The following ZEB1 variants were observed in gnomAD, a reference collection of about 807,000 sequenced individuals.
The protein encoded by ZEB1 is zinc finger E-box-binding homeobox 1.
In ZEB1, 21 loss-of-function variants were observed where a neutral mutation model predicts 84.9. The observed-to-expected ratio is 0.25, with a 90% CI of 0.18 to 0.36. The LOEUF (loss-of-function observed/expected upper bound fraction) is 0.36. ZEB1 is among the 10% of genes least tolerant of loss of function. The pLI is 1.00. For synonymous variants in ZEB1, 420 were observed against 471.1 expected (o/e 0.89, Z 1.41); for missense variants, 1,104 against 1,330.2 (o/e 0.83, Z 2.65).
chr10:31,427,635 CG>C (rs1564819590), intron 1 of ZEB1, among the ~76,000 whole-genome samples: 2 of 152,080 alleles, frequency 1.3e-5, no homozygotes, highest in African/African-American at 4.8e-5. Context: ...GGGTGGATCA[CG>C]AGGTCAGGAG....
intron 2 of ZEB1, among the ~76,000 whole-genome samples, chr10:31,474,757 C>T (rs1178341022): frequency 6.6e-6 from 1 of 152,070 alleles, no homozygotes; most frequent in Non-Finnish European, 1.5e-5. Flanking sequence ...AAGACACATG[C>T]ACACGTATGT....
At chr10:31,387,894 C>A in intron 1 of ZEB1, 1 of 308,072 alleles carries the variant, frequency 3.2e-6, no homozygotes, top group Non-Finnish European at 4.7e-6. Flanking sequence ...TCTTTTTCGT[C>A]TTACAACTTC....
intron 1 of ZEB1, among the ~76,000 whole-genome samples, chr10:31,338,100 T>G (rs1225703683): frequency 6.6e-6 from 1 of 152,228 alleles, no homozygotes; most frequent in Non-Finnish European, 1.5e-5. Context: ...TTTACTTGGC[T>G]TCTACCTTTA....
At chr10:31,394,020 A>G (rs763799336) in intron 1 of ZEB1, among the ~76,000 whole-genome samples, 10 of 152,194 alleles carry the variant, frequency 6.6e-5, no homozygotes, top group Non-Finnish European at 1.3e-4. Flanking sequence ...TAAACAAAAC[A>G]CATTGCCTGC....
At chr10:31,425,551 T>C (rs557398748) in intron 1 of ZEB1, among the ~76,000 whole-genome samples, 184 of 152,174 alleles carry the variant, frequency 1.2e-3, no homozygotes, top group African/African-American at 4.3e-3. Context: ...ACCTGAGAAA[T>C]TCTTTATAAA....
chr10:31,504,833 ATTGCAGTTTTTTGGT>A (rs1163433154), intron 4 of ZEB1, among the ~76,000 whole-genome samples: 1 of 151,916 alleles, frequency 6.6e-6, no homozygotes, highest in Non-Finnish European at 1.5e-5. Flanking sequence ...TATTTAGCAG[ATTGCAGTTTTTTGGT>A]TGTGTCTTTA....
In ZEB1 at chr10:31,446,175, C is replaced by T. The variant is rs886708958; in HGVS notation, c.59-14862C>T. Among the ~76,000 whole-genome samples the T allele has an allele frequency of 9.2e-5, 14 of 152,298 alleles. 1 individual carries two copies. Among genetic ancestry groups the T allele is most frequent in the African/African-American group, 2.6e-4 (11 of 41,564 alleles). ...TGTATGTGTCGAGGAATGTATCCAT[C>T]TCTCCTAGATTTTCTAGTTTATTTG... On this transcript the variant is annotated intron_variant, in intron 1 of 8. Coordinates refer to ENST00000424869, the MANE Select transcript of ZEB1 (RefSeq NM_001174096.2).
chr10:31,358,882 G>A (rs1425208644), intron 1 of ZEB1, among the ~76,000 whole-genome samples: 1 of 152,096 alleles, frequency 6.6e-6, no homozygotes, highest in Non-Finnish European at 1.5e-5. Context: ...ACAAATGTAG[G>A]CCAAAATGGT....
In ZEB1 at chr10:31,502,337, A is replaced by T. The variant is rs2068271848; in HGVS notation, c.323-11A>T. 1 of 1,612,036 alleles carries T rather than the reference A, an allele frequency of 6.2e-7. No individual in the cohort carries two copies. Among genetic ancestry groups the T allele is most frequent in the South Asian group, 1.1e-5 (1 of 90,970 alleles). On this transcript the variant is annotated splice_polypyrimidine_tract_variant and intron_variant, in intron 3 of 8. Coordinates refer to ENST00000424869, the MANE Select transcript of ZEB1 (RefSeq NM_001174096.2). Reference sequence around the variant, plus strand: ...TGAGATTGCTGTCTTAAAAGTATGCATTTTTTTTAGTAAAAGATGATGAAT... The same window carrying T: ...TGAGATTGCTGTCTTAAAAGTATGCTTTTTTTTTAGTAAAAGATGATGAAT...
rs1224813801 is a variant in ZEB1, at chr10:31,502,293, C to G, written c.323-55C>G. On this transcript the variant is annotated intron_variant, in intron 3 of 8. Coordinates refer to ENST00000424869, the MANE Select transcript of ZEB1 (RefSeq NM_001174096.2). ...ATAAATAATTTCTTATTTAGAAAAC[C>G]TTTGTAATAACTTAGTGGTGAGATT... 6 of 1,561,570 alleles carry G rather than the reference C, an allele frequency of 3.8e-6. No homozygotes were observed. In the Admixed American group the frequency reaches 1.0e-4, roughly 27 times the overall value.
intron 1 of ZEB1, chr10:31,321,181 T>C (rs1361435375): frequency 2.6e-5 from 28 of 1,092,734 alleles, no homozygotes; most frequent in South Asian, 3.0e-5. Context: ...TTGTAACCTT[T>C]CCTGGCAATT....
At chr10:31,526,116 G>A (rs2073381463) in intron 8 of ZEB1, among the ~76,000 whole-genome samples, 1 of 152,028 alleles carries the variant, frequency 6.6e-6, no homozygotes, top group African/African-American at 2.4e-5. Flanking sequence ...TTGTTTCTTA[G>A]GGGGCAAAAA....
rs2073549398 is a variant in ZEB1 at position 31,526,890 on chromosome 10, G to A, written c.3004G>A (p.Ala1002Thr). 1.2e-6 allele frequency: 2 copies of A among 1,614,074 alleles called. No individual in the cohort carries two copies. The highest frequency in any genetic ancestry group is 1.7e-5 in the Admixed American group (1 of 60,006). The change falls in exon 9 of 9, where the codon GCA (alanine) becomes ACA (threonine). Residue 1002 changes from alanine to threonine, a missense_variant. By Grantham distance (58) the Ala-to-Thr change is moderately conservative. Around this residue, in one of 7 missense-constraint regions of ZEB1, gnomAD observed 173 missense variants for 167.0 expected, o/e 1.04. Coordinates refer to ENST00000424869, the MANE Select transcript of ZEB1 (RefSeq NM_001174096.2). ...ACGTGACAGCACAGAGCAGGAAGAG[G>A]CAGGGCCTGAAATCCTCTCGAATGA... is the stretch of plus-strand genomic sequence containing the variant. ...EERDSTEQEE[A>T]GPEILSNEHV...
At chr10:31,475,496 T>A (rs1015303638) in intron 2 of ZEB1, among the ~76,000 whole-genome samples, 1 of 152,132 alleles carries the variant, frequency 6.6e-6, no homozygotes, top group African/African-American at 2.4e-5. Context: ...ATATAGTCAT[T>A]AGGCTATTCA....
At chr10:31,388,038 C>G (rs1278515565) in intron 1 of ZEB1, among the ~76,000 whole-genome samples, 2 of 152,076 alleles carry the variant, frequency 1.3e-5, no homozygotes, top group African/African-American at 4.8e-5. Context: ...CTAATATAAT[C>G]TATAGATGTC....
intron 1 of ZEB1, among the ~76,000 whole-genome samples, chr10:31,447,159 C>G (rs1412466951): frequency 1.3e-5 from 2 of 151,896 alleles, no homozygotes; most frequent in African/African-American, 4.8e-5. Flanking sequence ...ATCCCTTTAC[C>G]ATTATGTAAT....
In ZEB1 at chr10:31,527,099, A is replaced by AG. The variant is rs773524889; in HGVS notation, c.3214dup (p.Glu1072GlyfsTer13). On this transcript the variant is annotated frameshift_variant, in exon 9 of 9. Transcript: ENST00000424869. LOFTEE classifies it low-confidence loss of function (END_TRUNC). ...ATGAGGAAGAGGAGGAGGAGGAGGAAGAAGTGGAAGAAGAAGAGGTAGAAG... is the reference window on the plus strand; with the variant it reads ...ATGAGGAAGAGGAGGAGGAGGAGGAAGGAAGTGGAAGAAGAAGAGGTAGAAG... 1 of 1,596,892 alleles carries AG rather than the reference A, an allele frequency of 6.3e-7. No homozygotes were observed. The highest frequency in any genetic ancestry group is 8.5e-7 in the Non-Finnish European group (1 of 1,170,034).
intron 1 of ZEB1, among the ~76,000 whole-genome samples, chr10:31,380,292 C>T (rs954983720): frequency 1.3e-5 from 2 of 152,092 alleles, no homozygotes; most frequent in African/African-American, 2.4e-5. Context: ...TTCCTGTAGC[C>T]TCTGAATTTC....
intron 2 of ZEB1, among the ~76,000 whole-genome samples, chr10:31,483,712 A>G (rs903215210): frequency 3.3e-5 from 5 of 151,998 alleles, no homozygotes; most frequent in African/African-American, 7.2e-5. Context: ...ATCTGTAGCT[A>G]GCTGGCAGAT....
Sources: allele counts gnomAD v4.1 joint callset (sites outside exome capture counted in the v4.1 genomes callset), GRCh38; gene constraint gnomAD v4.1.1; regional missense constraint gnomAD v4.1.1; transcripts MANE v1.5; gene names NCBI Gene and HGNC (gene_info 2026-07-23, HGNC 2026-07-21).